ADAP2: variants seen among roughly 807,000 people sequenced by gnomAD.
ADAP2 encodes ArfGAP with dual PH domains 2.
A neutral mutation model predicts 54.9 loss-of-function variants in ADAP2; 42 were observed. The ratio of observed to expected loss-of-function variants is 0.77; its 90% CI spans 0.60 to 0.99. The LOEUF is 0.99. Among genes scored for constraint, ADAP2 ranks in the 50% least tolerant of loss-of-function variants. ADAP2 has a pLI of 0.00. For synonymous variants in ADAP2, 177 were observed against 180.1 expected (o/e 0.98, Z 0.14); for missense variants, 429 against 480.4 (o/e 0.89, Z 1.00).
chr17:30,932,357 C>A (rs1264699677), intron 4 of ADAP2, among the ~76,000 whole-genome samples: 2 of 151,734 alleles, frequency 1.3e-5, no homozygotes, highest in African/African-American at 4.8e-5. Context: ...CTCAGCCTCC[C>A]AACTAGCTGG....
chr17:30,922,934 C>T lies in ADAP2; in HGVS notation c.95-6C>T. The T allele has an allele frequency of 6.2e-7, 1 of 1,613,514 alleles. No individual in the cohort carries two copies. Among genetic ancestry groups the T allele is most frequent in the Middle Eastern group, 1.6e-4 (1 of 6,084 alleles). On this transcript the variant is annotated splice_polypyrimidine_tract_variant and splice_region_variant and intron_variant, in intron 1 of 10. Coordinates refer to ENST00000330889, the MANE Select transcript of ADAP2 (RefSeq NM_018404.3). ...CTCAGCTCCTCTCCTGCCTCATCCC[C>T]TGCAGATCCCGACTGGGCCTCTTAC...
At chr17:30,946,358 G>A (rs1912679328) in intron 6 of ADAP2, among the ~76,000 whole-genome samples, 1 of 151,588 alleles carries the variant, frequency 6.6e-6, no homozygotes, top group Non-Finnish European at 1.5e-5. Flanking sequence ...TCAGCCTCCC[G>A]AGTGGCTGAG....
At chr17:30,928,439 A>G (rs1158939664) in intron 3 of ADAP2, among the ~76,000 whole-genome samples, 1 of 152,012 alleles carries the variant, frequency 6.6e-6, no homozygotes, top group African/African-American at 2.4e-5. Context: ...GAGGTTGCAG[A>G]GATTGCACCA....
chr17:30,934,755 G>T (rs551771916), intron 5 of ADAP2, among the ~76,000 whole-genome samples: 3 of 152,178 alleles, frequency 2.0e-5, no homozygotes, highest in African/African-American at 7.2e-5. Context: ...AAGTGGCTGC[G>T]CACAGTAGCT....
At chr17:30,938,120 T>C (rs762190799) in intron 5 of ADAP2, among the ~76,000 whole-genome samples, 39 of 152,338 alleles carry the variant, frequency 2.6e-4, no homozygotes, top group Middle Eastern at 3.4e-3. Context: ...TAAAACTTAA[T>C]GGCTTAAAAT....
chr17:30,932,024 C>A (rs1911524992), intron 4 of ADAP2, 56 bp downstream of exon 4: 7 of 1,524,454 alleles, frequency 4.6e-6, no homozygotes, highest in South Asian at 1.1e-5. Flanking sequence ...TCTAGAAAAA[C>A]CAAGTGCCTA....
chr17:30,954,488 C>A lies in ADAP2; in HGVS notation c.815C>A (p.Pro272His). 6.2e-7 allele frequency: 1 copy of A among 1,614,138 alleles called. No homozygotes were observed. Reference protein sequence around the residue: ...MEKTGPKQKEPFKKRWFALDC... With the variant: ...MEKTGPKQKEHFKKRWFALDC... Reference sequence around the variant, plus strand: ...TTCCCTCTTTTGCAGCAGAAAGAACCTTTCAAGAAAAGGTGGTTCGCCCTG... The same window carrying A: ...TTCCCTCTTTTGCAGCAGAAAGAACATTTCAAGAAAAGGTGGTTCGCCCTG... Residue 272 changes from proline to histidine, a missense_variant, in exon 9 of 11, where the codon CCT becomes CAT. Coordinates refer to ENST00000330889, the MANE Select transcript of ADAP2 (RefSeq NM_018404.3).
chr17:30,954,282 G>A, intron 8 of ADAP2, 196 bp from the exon 9 acceptor site: 5 of 560,944 alleles, frequency 8.9e-6, no homozygotes, highest in Non-Finnish European at 1.3e-5. Flanking sequence ...GTTGGAAGGG[G>A]AATGGGCAGA....
chr17:30,941,466 T>C (rs1205681219), intron 5 of ADAP2, among the ~76,000 whole-genome samples: 1 of 152,216 alleles, frequency 6.6e-6, no homozygotes, highest in East Asian at 1.9e-4. Flanking sequence ...AGCTTCACCA[T>C]AAATGTTGAT....
At chr17:30,928,356 C>G in intron 3 of ADAP2, among the ~76,000 whole-genome samples, 1 of 150,368 alleles carries the variant, frequency 6.7e-6, no homozygotes, top group African/African-American at 2.5e-5. Context: ...ATTAGCTGGG[C>G]ATGGTGGTAC....
At position 30,944,906 on chromosome 17, in the gene ADAP2, G is replaced by C. The variant is rs1021163748; in HGVS notation, c.511-1G>C. The C allele has an allele frequency of 6.2e-7, 1 of 1,613,428 alleles. No individual in the cohort carries two copies. The highest frequency in any genetic ancestry group is 1.3e-5 in the African/African-American group (1 of 74,980). ...TCTTTCTTTCTCTTTCTCTCTTTCA[G>C]GGTAAAAGCCCCAAAGCTGTCATCA... is the stretch of plus-strand genomic sequence containing the variant. On this transcript the variant is annotated splice_acceptor_variant, in intron 5 of 10. Transcript: ENST00000330889. LOFTEE classifies it high-confidence loss of function.
chr17:30,941,155 G>A (rs1912241014), intron 5 of ADAP2, among the ~76,000 whole-genome samples: 1 of 152,206 alleles, frequency 6.6e-6, no homozygotes, highest in Non-Finnish European at 1.5e-5. Flanking sequence ...TACCCATTGA[G>A]TGGAAAGTTT....
chr17:30,934,245 A>C lies in ADAP2; in HGVS notation c.458A>C (p.Lys153Thr). The C allele has an allele frequency of 1.9e-6, 3 of 1,614,146 alleles. No homozygotes were observed. Among genetic ancestry groups the C allele is most frequent in the Non-Finnish European group, 2.5e-6 (3 of 1,180,006 alleles). Residue 153 changes from lysine (K) to threonine (T), a missense_variant, in exon 5 of 11, where the codon AAG becomes ACG. Transcript: ENST00000330889. ...GACAACTCACAGTTTCTGAGAAGGA[A>C]GTTTGTACTTCTGGCAAGAGAAGGC... is the stretch of plus-strand genomic sequence containing the variant. ...GRDNSQFLRR[K>T]FVLLAREGLL...
At chr17:30,923,863 C>T (rs1182077189) in intron 2 of ADAP2, among the ~76,000 whole-genome samples, 1 of 151,812 alleles carries the variant, frequency 6.6e-6, no homozygotes, top group Admixed American at 6.6e-5. Context: ...CCATGCCCCG[C>T]TAATTTTTGT....
intron 9 of ADAP2, among the ~76,000 whole-genome samples, chr17:30,954,838 C>G (rs547144604): frequency 6.6e-6 from 1 of 152,240 alleles, no homozygotes; most frequent in African/African-American, 2.4e-5. Context: ...GGGCTCACTT[C>G]TAACCAAGAG....
At chr17:30,957,742 T>C in intron 10 of ADAP2, 93 bp from the exon 11 acceptor site, 1 of 1,306,902 alleles carries the variant, frequency 7.7e-7, no homozygotes, top group East Asian at 2.4e-5. Context: ...TGGCTCCCTC[T>C]GTCTTTGTAC....
rs778195436 is a variant in ADAP2 at position 30,931,929 on chromosome 17, C to T, written c.358C>T (p.Arg120Trp). The change falls in exon 4 of 11, where the codon CGG (arginine) becomes TGG (tryptophan). Residue 120 changes from arginine to tryptophan, a missense_variant. Physicochemically the swap from Arg to Trp is moderately radical, Grantham distance 101. Coordinates refer to ENST00000330889, the MANE Select transcript of ADAP2 (RefSeq NM_018404.3). ...ATGGATTCGAGCTAAGTATGAGAGA[C>T]GGGAATTTATGGCTGATGGGGAAAC... is the stretch of plus-strand genomic sequence containing the variant. ...EQWIRAKYER[R>W]EFMADGETIS... is the part of the protein sequence containing the mutation. 8 of 1,613,668 alleles carry T rather than the reference C, an allele frequency of 5.0e-6. No homozygotes were observed. The highest frequency in any genetic ancestry group is 1.3e-5 in the African/African-American group (1 of 74,800).
At chr17:30,955,958 G>T (rs1159795857) in intron 9 of ADAP2, among the ~76,000 whole-genome samples, 2 of 152,084 alleles carry the variant, frequency 1.3e-5, no homozygotes, top group Non-Finnish European at 2.9e-5. Context: ...TGTTGTCCCG[G>T]TTGGTCTCAT....
Position 30,931,843 on chromosome 17 carries a change from A to G in ADAP2, c.318-46A>G, listed in dbSNP as rs755888943. On this transcript the variant is annotated intron_variant, in intron 3 of 10. Transcript: ENST00000330889. ...GACCCTGTCTCAAAAAAAAAAAAAA[A>G]AGAGAATGCATCAAACGCAGCTGAC... 31 of 1,436,548 alleles carry G rather than the reference A, an allele frequency of 2.2e-5. No homozygotes were observed. The East Asian group carries it at 2.3e-4, about 11-fold the overall frequency. 89.0% of individuals were successfully genotyped at this position (1,436,548 alleles called of 1,614,324 possible).
Sources: gnomAD v4.1 joint callset for allele counts (sites outside exome capture counted in the v4.1 genomes callset) on GRCh38, gnomAD v4.1.1 for gene constraint, MANE v1.5 for transcripts, NCBI Gene and HGNC (gene_info 2026-07-23, HGNC 2026-07-21) for gene names.